The following ZNF33B variants were observed in gnomAD, a reference collection of about 807,000 sequenced individuals.
ZNF33B encodes zinc finger protein 11b (KOX 2).
ZNF33B carries 29 observed loss-of-function variants against 45.8 expected under a neutral mutation model. The observed-to-expected ratio is 0.63, with a 90% confidence interval of 0.47 to 0.86. The LOEUF (loss-of-function observed/expected upper bound fraction) is 0.86. Among genes scored for constraint, ZNF33B ranks in the 40% least tolerant of loss-of-function variants. The pLI, the probability that ZNF33B is intolerant of heterozygous loss-of-function variation, is 0.00. For missense variants in ZNF33B, 831 were observed against 909.9 expected (o/e 0.91, Z 1.12); for synonymous variants, 305 against 307.8 (o/e 0.99, Z 0.10).
chr10:42,628,853 C>T (rs1199143211), intron 4 of ZNF33B, among the ~76,000 whole-genome samples: 3 of 152,154 alleles, frequency 2.0e-5, no homozygotes, highest in African/African-American at 7.2e-5. Flanking sequence ...TGAGCACTTA[C>T]AGAGCATGGT....
At chr10:42,618,653 G>A (rs752202767) in intron 4 of ZNF33B, among the ~76,000 whole-genome samples, 38 of 152,140 alleles carry the variant, frequency 2.5e-4, no homozygotes, top group African/African-American at 4.1e-4. Context: ...TCATTATGAC[G>A]TGTCTGGGTA....
chr10:42,636,096 T>C (rs1839288730), intron 2 of ZNF33B, among the ~76,000 whole-genome samples: 1 of 151,692 alleles, frequency 6.6e-6, no homozygotes, highest in South Asian at 2.1e-4. Flanking sequence ...GCCACTGTAC[T>C]CCAGCCAGGC....
intron 3 of ZNF33B, 61 bp downstream of exon 3, chr10:42,632,232 CTA>C (rs1839092130): frequency 6.4e-7 from 1 of 1,568,436 alleles, no homozygotes; most frequent in East Asian, 2.2e-5. Flanking sequence ...GACAGACTGC[CTA>C]TATGTTTTAT....
At chr10:42,582,107 C>T (rs1836838859) in intron 1 of ZNF33B, 1 of 150,484 alleles carries the variant, frequency 6.6e-6, no homozygotes, top group Non-Finnish European at 1.5e-5. Context: ...TGCAGCGACA[C>T]TCTGTCTCAA....
At chr10:42,597,614 T>C (rs1329386559) in intron 4 of ZNF33B, among the ~76,000 whole-genome samples, 1 of 152,122 alleles carries the variant, frequency 6.6e-6, no homozygotes, top group Non-Finnish European at 1.5e-5. Flanking sequence ...TTTTGCTAAT[T>C]TTTAATTTTG....
At chr10:42,616,008 AG>A (rs1002775561) in intron 4 of ZNF33B, among the ~76,000 whole-genome samples, 7 of 151,074 alleles carry the variant, frequency 4.6e-5, no homozygotes, top group Admixed American at 4.6e-4. Flanking sequence ...GGATAATCTG[AG>A]GTCAGGAGTT....
At chr10:42,588,594 T>A (rs146289850), downstream of ZNF33B, among the ~76,000 whole-genome samples, 626 of 152,300 alleles carry the variant, frequency 4.1e-3, 4 homozygotes, top group Non-Finnish European at 7.2e-3. Context: ...GGTGAGTTTG[T>A]CAGTCACACC....
At chr10:42,574,793 A>T (rs1243365987) in intron 1 of ZNF33B, 1 of 152,160 alleles carries the variant, frequency 6.6e-6, no homozygotes, top group African/African-American at 2.4e-5. Flanking sequence ...TTACGTCAAA[A>T]ATCAAAGTTC....
At chr10:42,628,832 CAA>C (rs1838925538) in intron 4 of ZNF33B, among the ~76,000 whole-genome samples, 1 of 152,088 alleles carries the variant, frequency 6.6e-6, no homozygotes, top group Non-Finnish European at 1.5e-5. Context: ...TCACAGGAAC[CAA>C]AAGTCAGGTG....
intron 1 of ZNF33B, chr10:42,578,843 C>T (rs1388372674): frequency 6.6e-6 from 1 of 152,232 alleles, no homozygotes; most frequent in Non-Finnish European, 1.5e-5. Context: ...AAGGCTGCCA[C>T]ACAGCTCTCA....
At chr10:42,599,039 T>C (rs74137908) in intron 4 of ZNF33B, among the ~76,000 whole-genome samples, 17,222 of 152,244 alleles carry the variant, frequency 0.11, 1,186 homozygotes, top group African/African-American at 0.19. Context: ...GGTTATCTAT[T>C]TGTTTTGGAG....
At chr10:42,602,764 AG>A (rs1423770184) in intron 4 of ZNF33B, among the ~76,000 whole-genome samples, 8 of 152,162 alleles carry the variant, frequency 5.3e-5, no homozygotes, top group Admixed American at 5.2e-4. Context: ...GCTGGCTGGC[AG>A]GATCAGTCCT....
chr10:42,603,537 CCA>C (rs1355977464), intron 4 of ZNF33B, among the ~76,000 whole-genome samples: 2 of 152,130 alleles, frequency 1.3e-5, no homozygotes, highest in African/African-American at 4.8e-5. Flanking sequence ...CACAGATTTT[CCA>C]CAGTCATGAT....
chr10:42,613,283 C>T (rs1838176377), intron 4 of ZNF33B, among the ~76,000 whole-genome samples: 1 of 152,158 alleles, frequency 6.6e-6, no homozygotes, highest in South Asian at 2.1e-4. Flanking sequence ...TGGTGGCTCT[C>T]ACCTTTAATC....
chr10:42,610,345 G>C (rs192831761), intron 4 of ZNF33B, among the ~76,000 whole-genome samples: 1 of 152,090 alleles, frequency 6.6e-6, no homozygotes, highest in African/African-American at 2.4e-5. Flanking sequence ...AGACCAGCCC[G>C]GCCAACATGG....
In ZNF33B at chr10:42,593,450, A is replaced by G; in HGVS notation, c.1500T>C (p.Asn500=). ...TGTGGTAGAAAGTTTTCCCACATGC[A>G]TTACATTCATAAGGTTTATCTCCTA... ...THIGDKPYEC[N]ACGKTFYHKS... The change falls in exon 5 of 5, where the codon AAT becomes AAC. Residue 500 remains asparagine, a synonymous_variant. Coordinates refer to ENST00000359467, the MANE Select transcript of ZNF33B (RefSeq NM_006955.3). 1 of 1,614,106 alleles carries G rather than the reference A, an allele frequency of 6.2e-7. No homozygotes were observed. Among genetic ancestry groups the G allele is most frequent in the Non-Finnish European group, 8.5e-7 (1 of 1,179,994 alleles).
chr10:42,638,109 G>A (rs1839414096), intron 1 of ZNF33B, among the ~76,000 whole-genome samples: 1 of 152,226 alleles, frequency 6.6e-6, no homozygotes, highest in Admixed American at 6.5e-5. Context: ...TATGTCGGGC[G>A]GGCGACTGCA....
chr10:42,636,647 A>G (rs994949207), intron 2 of ZNF33B, among the ~76,000 whole-genome samples: 1 of 152,120 alleles, frequency 6.6e-6, no homozygotes, highest in Non-Finnish European at 1.5e-5. Flanking sequence ...CACGGTGAAC[A>G]CATCTCTATT....
At chr10:42,582,818 C>T in intron 1 of ZNF33B, 1 of 257,136 alleles carries the variant, frequency 3.9e-6, no homozygotes, top group Non-Finnish European at 7.6e-6. Context: ...ACACGAGAAG[C>T]CTCAGCCCTG....
Sources: allele counts gnomAD v4.1 joint callset (sites outside exome capture counted in the v4.1 genomes callset), GRCh38; gene constraint gnomAD v4.1.1; transcripts MANE v1.5; gene names NCBI Gene and HGNC (gene_info 2026-07-23, HGNC 2026-07-21).